STK10: variants seen among roughly 807,000 people sequenced by gnomAD.
STK10 encodes the protein serine/threonine kinase 10.
STK10 carries 78 observed loss-of-function variants against 113.8 expected under a neutral mutation model. That is an observed-to-expected ratio of 0.69 (90% CI 0.57 to 0.83). The LOEUF is 0.83. Ranked by LOEUF, STK10 falls within the 40% of genes least tolerant of loss-of-function variation. The pLI, the probability that STK10 is intolerant of heterozygous loss-of-function variation, is 0.00. For synonymous variants in STK10, 465 were observed against 494.7 expected, an observed-to-expected ratio of 0.94 and a Z score of 0.80; for missense variants, 1,109 against 1,280.1, an observed-to-expected ratio of 0.87 and a Z score of 2.04.
intron 18 of STK10, among the ~76,000 whole-genome samples, chr5:172,045,980 G>T (rs537155025): frequency 1.4e-4 from 21 of 150,386 alleles, no homozygotes; most frequent in African/African-American, 5.1e-4. Flanking sequence ...GTGAGCCACC[G>T]CGCCTGGCCT....
chr5:172,106,340 T>C (rs1286971535), intron 6 of STK10, among the ~76,000 whole-genome samples: 7 of 137,706 alleles, frequency 5.1e-5, no homozygotes, highest in Non-Finnish European at 1.1e-4. Context: ...AGGTCGAGGT[T>C]GCAGTGAGCT....
At chr5:172,110,800 G>A (rs949807307) in intron 4 of STK10, among the ~76,000 whole-genome samples, 2 of 152,148 alleles carry the variant, frequency 1.3e-5, no homozygotes, top group African/African-American at 4.8e-5. Context: ...AATGACAAAC[G>A]CAAAGCACTG....
At chr5:172,092,273 A>AG (rs1313586663) in intron 9 of STK10, among the ~76,000 whole-genome samples, 3 of 152,192 alleles carry the variant, frequency 2.0e-5, no homozygotes, top group African/African-American at 4.8e-5. Flanking sequence ...TAGTCACGCC[A>AG]GGGGGTGCCG....
intron 1 of STK10, among the ~76,000 whole-genome samples, chr5:172,185,221 T>C (rs780123687): frequency 3.3e-5 from 5 of 151,840 alleles, no homozygotes; most frequent in African/African-American, 1.2e-4. Flanking sequence ...GGGACAAGAA[T>C]GCAATTGAAA....
chr5:172,082,359 C>G lies in STK10; in HGVS notation c.1956G>C (p.Arg652Ser), dbSNP rs1425121319. 3.8e-6 allele frequency: 6 copies of G among 1,587,762 alleles called. No individual in the cohort carries two copies. In the African/African-American group the frequency reaches 5.5e-5, roughly 14 times the overall value. ...IRLEQDRDYT[R>S]FQEQLKLMKK... is the part of the protein sequence containing the mutation. ...TCATCAGTTTGAGCTGCTCTTGGAA[C>G]CTGGTGTAGTCCCGATCCTGCTCCA... Residue 652 changes from arginine (R) to serine (S), a missense_variant, in exon 12 of 19, where the codon AGG becomes AGC. By Grantham distance (110) the Arg-to-Ser change is moderately radical. Transcript: ENST00000176763. The surrounding 1 kb of genome is among the most constrained non-coding windows in gnomAD (Gnocchi z 4.3).
Position 172,120,950 on chromosome 5 carries a change from T to C in STK10, c.371-3320A>G, listed in dbSNP as rs114495568. ...GATAAGGACACGGTGCATACTGTCA[T>C]TTAATCCTCGCAGTAACCCAGTGAG... On this transcript the variant is annotated intron_variant, in intron 3 of 18. Transcript: ENST00000176763. The surrounding 1 kb of genome is among the most constrained non-coding windows in gnomAD (Gnocchi z 4.0). Among the ~76,000 whole-genome samples, 1,695 of 152,240 alleles carry C rather than the reference T, an allele frequency of 0.011. 29 individuals carry two copies. The highest frequency in any genetic ancestry group is 0.037 in the African/African-American group (1,554 of 41,532).
Position 172,118,909 on chromosome 5 carries a change from G to A in STK10, c.371-1279C>T, listed in dbSNP as rs568997737. On this transcript the variant is annotated intron_variant, in intron 3 of 18. Transcript: ENST00000176763. ...AAAAAAAAAAAAAAGTGTCCACTGA[G>A]GAGACCCTCTCTTCGGTGACCCATT... Among the ~76,000 whole-genome samples the A allele has an allele frequency of 5.5e-5, 8 of 144,722 alleles. No individual in the cohort carries two copies. The East Asian group carries it at 1.6e-3, about 29-fold the overall frequency. 94.9% of individuals were successfully genotyped at this position (144,722 alleles called of 152,430 possible).
intron 1 of STK10, among the ~76,000 whole-genome samples, chr5:172,166,280 G>C (rs984887543): frequency 3.3e-4 from 50 of 152,316 alleles, no homozygotes; most frequent in Admixed American, 1.4e-3. Flanking sequence ...TGGCTCTGTG[G>C]AACACCTGGA....
intron 6 of STK10, among the ~76,000 whole-genome samples, chr5:172,106,400 T>C (rs1361065107): frequency 1.0e-3 from 6 of 6,010 alleles, no homozygotes; most frequent in Non-Finnish European, 2.2e-3. Context: ...AGACCCTATC[T>C]CAAAAAAAAA....
At chr5:172,101,043 T>A (rs56679140) in intron 7 of STK10, among the ~76,000 whole-genome samples, 2,162 of 152,316 alleles carry the variant, frequency 0.014, 51 homozygotes, top group African/African-American at 0.049. Flanking sequence ...CGTTTTACCA[T>A]CTGCTCAACA....
At chr5:172,186,417 AG>A (rs1380982505) in intron 1 of STK10, among the ~76,000 whole-genome samples, 2 of 152,152 alleles carry the variant, frequency 1.3e-5, no homozygotes, top group East Asian at 3.8e-4. Context: ...TGAGCTCAGG[AG>A]TTCATGACAA....
At chr5:172,165,857 G>A (rs1770561397) in intron 1 of STK10, among the ~76,000 whole-genome samples, 1 of 151,734 alleles carries the variant, frequency 6.6e-6, no homozygotes, top group Non-Finnish European at 1.5e-5. Context: ...GCAATGGTGC[G>A]ATCTTGGCTC....
At position 172,051,672 on chromosome 5, in the gene STK10, G is replaced by A. The variant is rs572920652; in HGVS notation, c.2766+1257C>T. Reference sequence around the variant, plus strand: ...AATCAACAGATGGGTCACGAGGGACGTTGCAAAGGGGCTAGTGACAGAGAA... The same window carrying A: ...AATCAACAGATGGGTCACGAGGGACATTGCAAAGGGGCTAGTGACAGAGAA... On this transcript the variant is annotated intron_variant, in intron 18 of 18. Coordinates refer to ENST00000176763, the MANE Select transcript of STK10 (RefSeq NM_005990.4). Among the ~76,000 whole-genome samples, 10 of 152,174 alleles carry A rather than the reference G, an allele frequency of 6.6e-5. No individual in the cohort carries two copies. In the East Asian group the frequency reaches 7.7e-4, roughly 12 times the overall value.
chr5:172,126,646 C>G (rs1402250144), intron 3 of STK10, among the ~76,000 whole-genome samples: 1 of 152,198 alleles, frequency 6.6e-6, no homozygotes. Flanking sequence ...GGTTACCACA[C>G]TCTCTGGCAT....
chr5:172,169,115 G>C (rs943913749), intron 1 of STK10, among the ~76,000 whole-genome samples: 21 of 151,910 alleles, frequency 1.4e-4, no homozygotes, highest in African/African-American at 5.1e-4. Context: ...CAGCAAAATC[G>C]AACTCAACCC....
chr5:172,187,233 C>T lies in STK10; in HGVS notation c.156+654G>A, dbSNP rs149339418. On this transcript the variant is annotated intron_variant, in intron 1 of 18. Coordinates refer to ENST00000176763, the MANE Select transcript of STK10 (RefSeq NM_005990.4). The surrounding 1 kb of genome is among the most constrained non-coding windows in gnomAD (Gnocchi z 4.6). Reference sequence around the variant, plus strand: ...GGAGAGGTGACTGCAGGCTGGGAGACTCCCCAGCTGTGACTCAGACCGACG... The same window carrying T: ...GGAGAGGTGACTGCAGGCTGGGAGATTCCCCAGCTGTGACTCAGACCGACG... 6.8e-3 allele frequency among the ~76,000 whole-genome samples: 1,042 copies of T among 152,232 alleles called. 6 individuals are homozygous for T. The highest frequency in any genetic ancestry group is 0.011 in the Non-Finnish European group (740 of 68,008).
intron 2 of STK10, among the ~76,000 whole-genome samples, chr5:172,127,644 T>C (rs917080980): frequency 6.6e-6 from 1 of 152,128 alleles, no homozygotes; most frequent in Non-Finnish European, 1.5e-5. Flanking sequence ...GCTGCTTCAT[T>C]TTCTGAAGAA....
At chr5:172,160,874 G>A (rs538790196) in intron 1 of STK10, among the ~76,000 whole-genome samples, 11 of 152,206 alleles carry the variant, frequency 7.2e-5, no homozygotes, top group East Asian at 1.9e-4. Context: ...ATCCTCTAAC[G>A]TCAAAATTTT....
chr5:172,068,319 G>A (rs1395362958), intron 12 of STK10, among the ~76,000 whole-genome samples: 4 of 149,284 alleles, frequency 2.7e-5, no homozygotes, highest in East Asian at 2.0e-4. Context: ...CAGTCTGGGC[G>A]ACAGAGCGAG....
Sources: gnomAD v4.1 joint callset for allele counts (sites outside exome capture counted in the v4.1 genomes callset) on GRCh38, gnomAD v4.1.1 for gene constraint, Gnocchi (gnomAD v3.1) non-coding constraint, MANE v1.5 for transcripts, NCBI Gene and HGNC (gene_info 2026-07-23, HGNC 2026-07-21) for gene names.